Variants in NAV3 observed in about 807,000 individuals in gnomAD.
The protein encoded by NAV3 is pore membrane and/or filament interacting like protein 1.
NAV3 carries 87 observed loss-of-function variants against 244.7 expected under a neutral mutation model. The ratio of observed to expected loss-of-function variants is 0.36; its 90% CI spans 0.30 to 0.42. The LOEUF (loss-of-function observed/expected upper bound fraction) is 0.42, where lower values mean the gene tolerates loss of function less well. Among genes scored for constraint, NAV3 ranks in the 20% least tolerant of loss-of-function variants. NAV3 has a pLI of 1.00. For missense variants in NAV3, 2,663 were observed against 2,893.3 expected, an observed-to-expected ratio of 0.92 and a Z score of 1.83; for synonymous variants, 1,126 against 1,042.2, an observed-to-expected ratio of 1.08 and a Z score of -1.55.
At chr12:77,999,968 A>G (rs1343017644) in intron 7 of NAV3, among the ~76,000 whole-genome samples, 1 of 152,234 alleles carries the variant, frequency 6.6e-6, no homozygotes, top group Non-Finnish European at 1.5e-5. Flanking sequence ...ACCGTTATTG[A>G]TATTCTAGCA....
intron 2 of NAV3, among the ~76,000 whole-genome samples, chr12:77,779,459 T>G (rs988885261): frequency 1.3e-5 from 2 of 152,214 alleles, no homozygotes; most frequent in African/African-American, 4.8e-5. Flanking sequence ...TAGGCCACCA[T>G]GTTGTACAAC....
At chr12:77,829,585 G>A (rs964098064), upstream of NAV3, among the ~76,000 whole-genome samples, 21 of 152,122 alleles carry the variant, frequency 1.4e-4, no homozygotes, top group African/African-American at 4.6e-4. Context: ...TGAATGGTTT[G>A]CAAATTGCAA....
chr12:77,640,515 C>T (rs1872361793), intron 2 of NAV3, among the ~76,000 whole-genome samples: 1 of 152,072 alleles, frequency 6.6e-6, no homozygotes, highest in South Asian at 2.1e-4. Context: ...TAAGTGATAT[C>T]ATACAGTATT....
intron 9 of NAV3, among the ~76,000 whole-genome samples, chr12:78,033,809 A>G (rs1450340820): frequency 6.6e-6 from 1 of 152,216 alleles, no homozygotes; most frequent in Non-Finnish European, 1.5e-5. Flanking sequence ...TCATTGAATC[A>G]GGAAGAACCA....
At position 78,177,684 on chromosome 12, in the gene NAV3, C is replaced by T. The variant is rs375106526; in HGVS notation, c.5362C>T (p.Arg1788Trp). 206 of 1,596,948 alleles carry T rather than the reference C, an allele frequency of 1.3e-4. No homozygotes were observed. Among genetic ancestry groups the T allele is most frequent in the Admixed American group, 5.3e-4 (32 of 59,930 alleles). ...CCCTGTGATCTACAAGCATAGATCT[C>T]GGTAAAGTGGAGTGCGATGCATGAA... ...NGPVIYKHRS[R>W]ICECTEAEAE... is the part of the protein sequence containing the mutation. Residue 1788 changes from arginine (R) to tryptophan (W), a missense_variant and splice_region_variant, in exon 28 of 40, where the codon CGG becomes TGG. Around this residue, in one of 6 missense-constraint regions of NAV3, gnomAD observed 193 missense variants for 200.7 expected, o/e 0.96. Coordinates refer to ENST00000397909, the MANE Select transcript of NAV3 (RefSeq NM_001024383.2).
chr12:78,008,261 T>C (rs1239311535), intron 8 of NAV3, among the ~76,000 whole-genome samples: 1 of 152,200 alleles, frequency 6.6e-6, no homozygotes, highest in Non-Finnish European at 1.5e-5. Context: ...TTATTTTACT[T>C]TGCATTCTTA....
intron 36 of NAV3, chr12:78,198,933 A>AAT: frequency 4.4e-6 from 2 of 458,924 alleles, no homozygotes; most frequent in Non-Finnish European, 7.8e-6. Flanking sequence ...AAAAAAAAAA[A>AAT]GGAAAGAAAA....
chr12:77,711,183 C>T (rs1876094861), intron 2 of NAV3, among the ~76,000 whole-genome samples: 1 of 152,170 alleles, frequency 6.6e-6, no homozygotes, highest in South Asian at 2.1e-4. Flanking sequence ...TAGATTTTCC[C>T]AATGATCTGT....
At chr12:77,892,272 A>C (rs1282392168) in intron 1 of NAV3, among the ~76,000 whole-genome samples, 1 of 152,220 alleles carries the variant, frequency 6.6e-6, no homozygotes, top group Non-Finnish European at 1.5e-5. Flanking sequence ...GTAATCATTG[A>C]GTAGAAACAT....
At chr12:78,159,418 CT>C (rs1957433517) in intron 23 of NAV3, 132 bp downstream of exon 23, 1 of 745,594 alleles carries the variant, frequency 1.3e-6, no homozygotes, top group African/African-American at 1.8e-5. Context: ...AATCTCACCA[CT>C]TTGGGAGACC....
intron 1 of NAV3, among the ~76,000 whole-genome samples, chr12:77,850,427 C>T (rs1375187936): frequency 1.3e-5 from 2 of 152,146 alleles, no homozygotes; most frequent in Non-Finnish European, 2.9e-5. Context: ...GTTTTACTTA[C>T]AGGGATTTCA....
rs1231959665 is a variant in NAV3 at position 77,731,817 on chromosome 12, A to G, written c.72+159551A>G. On this transcript the variant is annotated intron_variant, in intron 2 of 8. Coordinates refer to the NAV3 transcript ENST00000550042. ...ATTTTCAATATAAAATTATATTTTA[A>G]TTAAAAAAATAGTGGTTAGGTGCTG... Among the ~76,000 whole-genome samples the G allele has an allele frequency of 3.3e-5, 5 of 151,976 alleles. No homozygotes were observed. In the East Asian group the frequency reaches 9.6e-4, roughly 29 times the overall value.
At chr12:77,761,652 T>C (rs1869469922) in intron 2 of NAV3, among the ~76,000 whole-genome samples, 2 of 152,156 alleles carry the variant, frequency 1.3e-5, no homozygotes, top group African/African-American at 4.8e-5. Flanking sequence ...AAGACATTTA[T>C]GCGGCCAAGA....
At chr12:78,109,100 T>C (rs1336257902) in intron 12 of NAV3, among the ~76,000 whole-genome samples, 1 of 151,048 alleles carries the variant, frequency 6.6e-6, no homozygotes, top group African/African-American at 2.4e-5. Context: ...ATAAACACAA[T>C]CAAAAACGAT....
At chr12:77,669,613 T>C (rs1281855214) in intron 2 of NAV3, among the ~76,000 whole-genome samples, 2 of 152,074 alleles carry the variant, frequency 1.3e-5, no homozygotes, top group Non-Finnish European at 2.9e-5. Flanking sequence ...AAGAGGGATG[T>C]TTTATAATGA....
At chr12:77,703,957 C>T (rs563184790) in intron 2 of NAV3, among the ~76,000 whole-genome samples, 16 of 152,182 alleles carry the variant, frequency 1.1e-4, no homozygotes, top group South Asian at 4.1e-4. Flanking sequence ...CCTTCTATAC[C>T]GCATTTGACT....
At chr12:77,959,912 C>CAAAAA (rs57550714) in intron 3 of NAV3, among the ~76,000 whole-genome samples, 15 of 64,710 alleles carry the variant, frequency 2.3e-4, no homozygotes, top group African/African-American at 4.4e-4. Context: ...CCTGACCCGA[C>CAAAAA]AAAAAAAAAA....
In NAV3 at chr12:77,945,640, T is replaced by A. The variant is rs189488201; in HGVS notation, c.414+4507T>A. Among the ~76,000 whole-genome samples, 272 of 152,302 alleles carry A rather than the reference T, an allele frequency of 1.8e-3. 2 individuals carry two copies. Among genetic ancestry groups the A allele is most frequent in the Non-Finnish European group, 1.8e-3 (121 of 68,016 alleles). Reference sequence around the variant, plus strand: ...AAAGTAGAAAAGAAAGTATATTAAATAGAAACTAGAGGAATTTAAATTAAT... The same window carrying A: ...AAAGTAGAAAAGAAAGTATATTAAAAAGAAACTAGAGGAATTTAAATTAAT... On this transcript the variant is annotated intron_variant, in intron 3 of 39. Coordinates refer to ENST00000397909, the MANE Select transcript of NAV3 (RefSeq NM_001024383.2).
chr12:78,083,729 C>T lies in NAV3; in HGVS notation c.2636+24614C>T, dbSNP rs189815952. Among the ~76,000 whole-genome samples, 4 of 152,194 alleles carry T rather than the reference C, an allele frequency of 2.6e-5. No homozygotes were observed. The East Asian group carries it at 5.8e-4, about 22-fold the overall frequency. ...GGTTGAGTATCATGCTAACAACTAC[C>T]CCTATTTTTCCAGTTCGCTTCCTTT... On this transcript the variant is annotated intron_variant, in intron 12 of 39. Transcript: ENST00000397909.
Sources: gnomAD v4.1 joint callset for allele counts (sites outside exome capture counted in the v4.1 genomes callset) on GRCh38, gnomAD v4.1.1 for gene constraint, gnomAD v4.1.1 regional missense constraint, MANE v1.5 for transcripts, NCBI Gene and HGNC (gene_info 2026-07-23, HGNC 2026-07-21) for gene names.